Variants in ROR1 observed in about 807,000 individuals in gnomAD.
The protein encoded by ROR1 is ROR family WNT receptor 1.
ROR1 carries 19 observed loss-of-function variants against 78.8 expected under a neutral mutation model. The ratio of observed to expected loss-of-function variants is 0.24; its 90% CI spans 0.17 to 0.35. The LOEUF (loss-of-function observed/expected upper bound fraction) is 0.35. Ranked by LOEUF, ROR1 falls within the 10% of genes least tolerant of loss-of-function variation. The pLI, the probability that ROR1 is intolerant of heterozygous loss-of-function variation, is 1.00. For synonymous variants in ROR1, 386 were observed against 433.6 expected (o/e 0.89, Z 1.36); for missense variants, 917 against 1,177.8 (o/e 0.78, Z 3.24).
chr1:64,162,618 CAGGAGA>C (rs1649977167), intron 8 of ROR1, among the ~76,000 whole-genome samples: 1 of 110,462 alleles, frequency 9.1e-6, no homozygotes, highest in Non-Finnish European at 2.3e-5. Context: ...CTCAGCTGTT[CAGGAGA>C]AGAAGTAGAC....
At chr1:64,033,205 T>C (rs2100571920) in intron 2 of ROR1, among the ~76,000 whole-genome samples, 1 of 152,158 alleles carries the variant, frequency 6.6e-6, no homozygotes, top group Middle Eastern at 3.2e-3. Flanking sequence ...TGCACATGCA[T>C]CCCCAGAAAC....
At chr1:63,941,977 G>A (rs1645844698) in intron 1 of ROR1, among the ~76,000 whole-genome samples, 1 of 152,168 alleles carries the variant, frequency 6.6e-6, no homozygotes, top group Non-Finnish European at 1.5e-5. Flanking sequence ...TACAGAGGAG[G>A]AAACCGTGGC....
intron 2 of ROR1, among the ~76,000 whole-genome samples, chr1:64,011,113 G>C (rs893994934): frequency 3.9e-5 from 6 of 152,260 alleles, no homozygotes; most frequent in Non-Finnish European, 7.4e-5. Context: ...ACTTTAGGAT[G>C]GTGGAATGAA....
chr1:63,839,440 C>T (rs974808087), intron 1 of ROR1, among the ~76,000 whole-genome samples: 7 of 151,978 alleles, frequency 4.6e-5, no homozygotes, highest in Non-Finnish European at 8.8e-5. Context: ...GTCTGTAATA[C>T]AAATATTCCA....
At chr1:63,844,465 A>G (rs1645068488) in intron 1 of ROR1, among the ~76,000 whole-genome samples, 1 of 152,118 alleles carries the variant, frequency 6.6e-6, no homozygotes, top group Non-Finnish European at 1.5e-5. Context: ...TATCAACTTT[A>G]TGGGGATGGG....
At chr1:63,802,434 C>G (rs957183990) in intron 1 of ROR1, among the ~76,000 whole-genome samples, 1 of 152,148 alleles carries the variant, frequency 6.6e-6, no homozygotes, top group Non-Finnish European at 1.5e-5. Context: ...TCTTGAAGTA[C>G]TTTCAAATTG....
intron 1 of ROR1, among the ~76,000 whole-genome samples, chr1:64,002,674 A>C (rs1646394702): frequency 6.6e-6 from 1 of 152,198 alleles, no homozygotes; most frequent in Non-Finnish European, 1.5e-5. Context: ...TGAATTTAAT[A>C]GATTTTAAAA....
Position 64,038,189 on chromosome 1 carries a change from C to T in ROR1, c.164-11502C>T, listed in dbSNP as rs374290486. Among the ~76,000 whole-genome samples, 11 of 152,264 alleles carry T rather than the reference C, an allele frequency of 7.2e-5. 1 individual carries two copies. The highest frequency in any genetic ancestry group is 1.4e-4 in the African/African-American group (6 of 41,554). ...TGTTTCCCCTCTCCTGTCTACTCCT[C>T]GCCTCCCCTAAATGCCTGCACATTC... On this transcript the variant is annotated intron_variant, in intron 2 of 8. Transcript: ENST00000371079.
At chr1:63,923,313 G>A (rs570805315) in intron 1 of ROR1, among the ~76,000 whole-genome samples, 2 of 152,224 alleles carry the variant, frequency 1.3e-5, no homozygotes, top group African/African-American at 2.4e-5. Context: ...GAGACGCAAG[G>A]TCCTGTTGGT....
At chr1:64,095,751 G>T (rs1005328204) in intron 4 of ROR1, among the ~76,000 whole-genome samples, 1 of 152,004 alleles carries the variant, frequency 6.6e-6, no homozygotes, top group African/African-American at 2.4e-5. Context: ...CTAGGTCATG[G>T]TCTCCCATTA....
intron 1 of ROR1, among the ~76,000 whole-genome samples, chr1:63,901,780 TA>T (rs1416024807): frequency 1.3e-5 from 2 of 152,178 alleles, no homozygotes; most frequent in Admixed American, 6.5e-5. Flanking sequence ...TATCATATAT[TA>T]ATGAATACAA....
At chr1:63,852,524 C>G (rs1256908462) in intron 1 of ROR1, among the ~76,000 whole-genome samples, 1 of 152,142 alleles carries the variant, frequency 6.6e-6, no homozygotes, top group Admixed American at 6.5e-5. Context: ...TTCACAGATG[C>G]CTTGAGAAAT....
chr1:63,932,961 C>T (rs192709819), intron 1 of ROR1, among the ~76,000 whole-genome samples: 13 of 152,230 alleles, frequency 8.5e-5, no homozygotes, highest in Non-Finnish European at 1.9e-4. Flanking sequence ...GTCTGACAGC[C>T]CTTTATCTCT....
chr1:64,100,612 C>T (rs1377433240), intron 4 of ROR1, among the ~76,000 whole-genome samples: 1 of 152,160 alleles, frequency 6.6e-6, no homozygotes, highest in Non-Finnish European at 1.5e-5. Flanking sequence ...GATAAATACT[C>T]CAAGCCTTCA....
chr1:63,850,179 TG>T (rs1380395870), intron 1 of ROR1, among the ~76,000 whole-genome samples: 2 of 152,378 alleles, frequency 1.3e-5, no homozygotes, highest in African/African-American at 4.8e-5. Flanking sequence ...GTTGTGTTTT[TG>T]GTATTAACCT....
rs1218726216 is a variant in ROR1, at chr1:63,992,261, G to A, written c.92-17044G>A. 2.0e-5 allele frequency among the ~76,000 whole-genome samples: 3 copies of A among 151,876 alleles called. No homozygotes were observed. In the South Asian group the frequency reaches 6.2e-4, roughly 32 times the overall value. ...TGCTCTGTCGCCAGGCTGGTGGAGTGCAGTGGTGCAATCTCGGCTCACTGC... is the reference window on the plus strand; with the variant it reads ...TGCTCTGTCGCCAGGCTGGTGGAGTACAGTGGTGCAATCTCGGCTCACTGC... On this transcript the variant is annotated intron_variant, in intron 1 of 8. Coordinates refer to ENST00000371079, the MANE Select transcript of ROR1 (RefSeq NM_005012.4).
At chr1:63,798,861 G>A (rs1247653832) in intron 1 of ROR1, among the ~76,000 whole-genome samples, 1 of 151,978 alleles carries the variant, frequency 6.6e-6, no homozygotes, top group Non-Finnish European at 1.5e-5. Context: ...TTCATCTCTG[G>A]ACTACTTTGA....
At chr1:64,047,944 T>G (rs543559830) in intron 2 of ROR1, among the ~76,000 whole-genome samples, 2 of 152,370 alleles carry the variant, frequency 1.3e-5, no homozygotes, top group East Asian at 1.9e-4. Context: ...ATGCTTAATC[T>G]GTTTCCTACT....
intron 4 of ROR1, among the ~76,000 whole-genome samples, chr1:64,051,784 T>A (rs942557724): frequency 6.6e-6 from 1 of 152,228 alleles, no homozygotes; most frequent in African/African-American, 2.4e-5. Flanking sequence ...TCCTCAATAC[T>A]CTGTAGACTT....
Sources: gnomAD v4.1 joint callset for allele counts (sites outside exome capture counted in the v4.1 genomes callset) on GRCh38, gnomAD v4.1.1 for gene constraint, MANE v1.5 for transcripts, NCBI Gene and HGNC (gene_info 2026-07-23, HGNC 2026-07-21) for gene names.